Variants in FBXO11 observed in about 807,000 individuals in gnomAD.
FBXO11 encodes the protein F-box protein 11.
FBXO11 carries 13 observed loss-of-function variants against 117.0 expected under a neutral mutation model. The ratio of observed to expected loss-of-function variants is 0.11; its 90% CI spans 0.07 to 0.18. The LOEUF (loss-of-function observed/expected upper bound fraction) is 0.18, where lower values mean the gene tolerates loss of function less well. Ranked by LOEUF, FBXO11 falls within the 10% of genes least tolerant of loss-of-function variation. The pLI, the probability that FBXO11 is intolerant of heterozygous loss-of-function variation, is 1.00. For synonymous variants in FBXO11, 490 were observed against 380.5 expected (o/e 1.29, Z -3.35); for missense variants, 767 against 1,164.4 (o/e 0.66, Z 4.97).
chr2:47,826,359 TCCA>T (rs1239916991), intron 11 of FBXO11, among the ~76,000 whole-genome samples: 2 of 152,090 alleles, frequency 1.3e-5, no homozygotes, highest in African/African-American at 4.8e-5. Flanking sequence ...GCCCAGCTGA[TCCA>T]CAAGTTTTTT....
At chr2:47,879,980 T>C (rs369294471) in intron 1 of FBXO11, among the ~76,000 whole-genome samples, 2 of 152,234 alleles carry the variant, frequency 1.3e-5, no homozygotes, top group South Asian at 2.1e-4. Context: ...ATATACATTT[T>C]CTTTATCCAT....
Position 47,823,288 on chromosome 2 carries a change from T to C in FBXO11, c.1471A>G (p.Thr491Ala). ...GFEVKAYANP[T>A]VVRCEIHHGQ... ...TGGTGAATTTCACATCGAACCACTG[T>C]AGGGTTAGCATAGGCTTTTACTTCA... Residue 491 changes from threonine (T) to alanine (A), a missense_variant, in exon 12 of 23, where the codon ACA becomes GCA. Coordinates refer to ENST00000403359, the MANE Select transcript of FBXO11 (RefSeq NM_001190274.2). 6.2e-7 allele frequency: 1 copy of C among 1,614,092 alleles called. No individual in the cohort carries two copies. Among genetic ancestry groups the C allele is most frequent in the Non-Finnish European group, 8.5e-7 (1 of 1,179,974 alleles).
chr2:47,902,758 T>A (rs1678392667), intron 1 of FBXO11, among the ~76,000 whole-genome samples: 1 of 152,184 alleles, frequency 6.6e-6, no homozygotes, highest in Non-Finnish European at 1.5e-5. Flanking sequence ...TGCATCTTTA[T>A]ATAAAACAAA....
chr2:47,824,307 G>A (rs1671589352), intron 11 of FBXO11, among the ~76,000 whole-genome samples: 1 of 152,136 alleles, frequency 6.6e-6, no homozygotes, highest in African/African-American at 2.4e-5. Flanking sequence ...GGGTAACAGT[G>A]AGACGTCGTC....
At chr2:47,820,626 T>C (rs778456332) in intron 13 of FBXO11, among the ~76,000 whole-genome samples, 170 bp from the exon 14 acceptor site, 5 of 152,198 alleles carry the variant, frequency 3.3e-5, no homozygotes, top group Non-Finnish European at 7.3e-5. Context: ...GCAGGCAGTA[T>C]AGTATAGCTA....
chr2:47,854,660 T>A (rs372232229), intron 1 of FBXO11, among the ~76,000 whole-genome samples: 1 of 152,002 alleles, frequency 6.6e-6, no homozygotes, highest in African/African-American at 2.4e-5. Flanking sequence ...ATGTGGAAGT[T>A]TGGTTAAAAC....
At chr2:47,899,945 G>A (rs747659304) in intron 1 of FBXO11, among the ~76,000 whole-genome samples, 3 of 151,846 alleles carry the variant, frequency 2.0e-5, no homozygotes, top group African/African-American at 4.8e-5. Flanking sequence ...TAAAACAAAC[G>A]GTGGGGGGCG....
At chr2:47,839,375 A>G in intron 3 of FBXO11, 44 bp downstream of exon 3, 1 of 1,553,980 alleles carries the variant, frequency 6.4e-7, no homozygotes, top group Non-Finnish European at 8.7e-7. Flanking sequence ...GCAAAATTAA[A>G]AAAAATTATT....
chr2:47,820,341 G>T, intron 14 of FBXO11, 21 bp downstream of exon 14: 1 of 1,584,292 alleles, frequency 6.3e-7, no homozygotes, highest in East Asian at 2.2e-5. Flanking sequence ...AGTTTATAGG[G>T]AACTATATAC....
intron 1 of FBXO11, among the ~76,000 whole-genome samples, chr2:47,878,226 C>T (rs1317076816): frequency 6.6e-6 from 1 of 152,216 alleles, no homozygotes; most frequent in East Asian, 1.9e-4. Context: ...CTGCTCCAAT[C>T]TGTCTACCAA....
intron 18 of FBXO11, chr2:47,812,973 G>A (rs1437328840): frequency 6.8e-6 from 3 of 440,372 alleles, no homozygotes; most frequent in Non-Finnish European, 1.2e-5. Flanking sequence ...AATTTTAAAA[G>A]GTCCAGAGAA....
intron 1 of FBXO11, among the ~76,000 whole-genome samples, chr2:47,900,681 TATAC>T (rs1384151167): frequency 5.4e-5 from 5 of 92,204 alleles, no homozygotes; most frequent in Non-Finnish European, 1.2e-4. Flanking sequence ...TATACACACG[TATAC>T]ACACACGTAT....
At chr2:47,888,711 T>C (rs895438041) in intron 1 of FBXO11, 2 of 972,088 alleles carry the variant, frequency 2.1e-6, no homozygotes, top group African/African-American at 3.5e-5. Context: ...CAAATCTTAT[T>C]GCTATGATAC....
chr2:47,854,471 T>C (rs1456603120), intron 1 of FBXO11, among the ~76,000 whole-genome samples: 2 of 151,880 alleles, frequency 1.3e-5, no homozygotes, highest in Non-Finnish European at 2.9e-5. Flanking sequence ...AAGAAAACTA[T>C]GAATACTGGG....
chr2:47,871,643 C>A (rs1346848482), intron 1 of FBXO11, among the ~76,000 whole-genome samples: 1 of 152,034 alleles, frequency 6.6e-6, no homozygotes, highest in African/African-American at 2.4e-5. Flanking sequence ...TATTTAGAAC[C>A]TTTGTGTATT....
intron 5 of FBXO11, among the ~76,000 whole-genome samples, chr2:47,835,644 T>A (rs1875407): frequency 1.3e-5 from 2 of 151,822 alleles, no homozygotes; most frequent in Non-Finnish European, 1.5e-5. Flanking sequence ...ACTACAGGTG[T>A]GCGCCACCAT....
Position 47,807,966 on chromosome 2 carries a change from T to C in FBXO11, c.*152A>G. On this transcript the variant is annotated 3_prime_UTR_variant, in exon 23 of 23. Coordinates refer to ENST00000403359, the MANE Select transcript of FBXO11 (RefSeq NM_001190274.2). ...CAATATATTGCCACTTTCTTTTTGG[T>C]AGCTTGAGCTTCATAGTGTCAACTG... 1.5e-6 allele frequency: 1 copy of C among 686,856 alleles called. No homozygotes were observed. The highest frequency in any genetic ancestry group is 2.4e-6 in the Non-Finnish European group (1 of 411,172). The allele number at this position is 686,856 out of a possible 1,614,324, so 42.5% of individuals were successfully genotyped here.
At chr2:47,868,302 A>G (rs1387622836) in intron 1 of FBXO11, among the ~76,000 whole-genome samples, 2 of 147,948 alleles carry the variant, frequency 1.4e-5, no homozygotes, top group African/African-American at 4.9e-5. Flanking sequence ...AAAAAAAAAA[A>G]GCTGGGAATC....
chr2:47,849,328 A>T (rs1420346661), intron 1 of FBXO11, among the ~76,000 whole-genome samples: 1 of 152,250 alleles, frequency 6.6e-6, no homozygotes, highest in Non-Finnish European at 1.5e-5. Flanking sequence ...TTATAGTTAC[A>T]TTTTAAAATT....
Sources: gnomAD v4.1 joint callset for allele counts (sites outside exome capture counted in the v4.1 genomes callset) on GRCh38, gnomAD v4.1.1 for gene constraint, MANE v1.5 for transcripts, NCBI Gene and HGNC (gene_info 2026-07-23, HGNC 2026-07-21) for gene names.